Variants in RUNX1 observed in about 807,000 individuals in gnomAD.
RUNX1 encodes RUNX family transcription factor 1.
A neutral mutation model predicts 42.8 loss-of-function variants in RUNX1; 19 were observed. The observed-to-expected ratio is 0.44, with a 90% CI of 0.31 to 0.65. The LOEUF (loss-of-function observed/expected upper bound fraction) is 0.65, where lower values mean the gene tolerates loss of function less well. Ranked by LOEUF, RUNX1 falls within the 30% of genes least tolerant of loss-of-function variation. RUNX1 has a pLI of 0.07. For synonymous variants in RUNX1, 271 were observed against 289.4 expected (o/e 0.94, Z 0.64); for missense variants, 528 against 672.0 (o/e 0.79, Z 2.37).
intron 5 of RUNX1, among the ~76,000 whole-genome samples, chr21:34,862,530 A>G (rs943302566): frequency 3.3e-5 from 5 of 152,222 alleles, no homozygotes; most frequent in Non-Finnish European, 7.3e-5. Flanking sequence ...ACTCCCCCTG[A>G]GGGCTCTAGG....
chr21:34,792,415 G>A lies in RUNX1; in HGVS notation c.1163C>T (p.Ser388Leu), dbSNP rs1569002296. The A allele has an allele frequency of 1.3e-6, 2 of 1,569,812 alleles. No homozygotes were observed. The highest frequency in any genetic ancestry group is 8.6e-7 in the Non-Finnish European group (1 of 1,157,620). Residue 388 changes from serine to leucine, a missense_variant, in exon 9 of 9, where the codon TCG becomes TTG. Physicochemically the swap from Ser to Leu is moderately radical, Grantham distance 145. This residue lies in a region of RUNX1 where 331 missense variants were observed against 382.5 expected (regional missense o/e 0.87). Coordinates refer to ENST00000675419, the MANE Select transcript of RUNX1 (RefSeq NM_001754.5). The surrounding 1 kb of genome is among the most constrained non-coding windows in gnomAD (Gnocchi z 6.9). The part of the protein sequence containing the change: ...HTYLPPPYPG[S>L]SQAQGGPFQA... ...GAACGGGCCTCCCTGCGCTTGCGAC[G>A]AGCCGGGGTAGGGCGGCGGCAGGTA...
At position 34,821,188 on chromosome 21, in the gene RUNX1, C is replaced by A. The variant is rs1383282701; in HGVS notation, c.805+13222G>T. 2.9e-6 allele frequency: 3 copies of A among 1,017,320 alleles called. No homozygotes were observed. In the African/African-American group the frequency reaches 5.1e-5, roughly 17 times the overall value. 63.0% of individuals were successfully genotyped at this position (1,017,320 alleles called of 1,614,324 possible). On this transcript the variant is annotated intron_variant, in intron 7 of 8. Coordinates refer to ENST00000675419, the MANE Select transcript of RUNX1 (RefSeq NM_001754.5). ...TAAGGAGACACCGGGGGAATTATCG[C>A]AGAGTAGCTGTGTGACTTGGAGAGG...
At chr21:34,883,936 A>T (rs1193267803) in intron 4 of RUNX1, among the ~76,000 whole-genome samples, 1 of 152,220 alleles carries the variant, frequency 6.6e-6, no homozygotes, top group Non-Finnish European at 1.5e-5. Context: ...TGCCGACAAA[A>T]ATATTACTTA....
chr21:34,821,656 C>A (rs1408257913), intron 7 of RUNX1: 1 of 1,570,062 alleles, frequency 6.4e-7, no homozygotes, highest in South Asian at 1.2e-5. Context: ...GACAGAAGAA[C>A]TGACTTCTGC....
At chr21:34,834,023 GT>G in intron 7 of RUNX1, 1 of 392,020 alleles carries the variant, frequency 2.6e-6, no homozygotes. Flanking sequence ...CTTGACGTGT[GT>G]GTGTGTGTGT....
chr21:34,921,345 T>A (rs189916518), intron 2 of RUNX1, among the ~76,000 whole-genome samples: 420 of 152,296 alleles, frequency 2.8e-3, no homozygotes, highest in Non-Finnish European at 4.2e-3. Context: ...TCTTTCTGTC[T>A]CTATCATGTG....
At chr21:35,037,992 G>A (rs1285560908) in intron 2 of RUNX1, among the ~76,000 whole-genome samples, 2 of 151,278 alleles carry the variant, frequency 1.3e-5, no homozygotes, top group Non-Finnish European at 2.9e-5. Flanking sequence ...TCTTGAGGTT[G>A]GCGGAGATGG....
At chr21:35,014,327 A>C (rs2059144917) in intron 2 of RUNX1, among the ~76,000 whole-genome samples, 1 of 152,214 alleles carries the variant, frequency 6.6e-6, no homozygotes, top group South Asian at 2.1e-4. Context: ...CAACTGAATT[A>C]AACAATGAAA....
chr21:34,792,465 C>T lies in RUNX1; in HGVS notation c.1113G>A (p.Met371Ile), dbSNP rs1348452375. The change falls in exon 9 of 9, where the codon ATG (methionine) becomes ATA (isoleucine). Residue 371 changes from methionine to isoleucine, a missense_variant. This residue lies in a region of RUNX1 where 331 missense variants were observed against 382.5 expected (regional missense o/e 0.87). Transcript: ENST00000675419. This position sits in a 1 kb window ranked among gnomAD's most constrained non-coding sequence, Gnocchi z 6.9. ...TSGIGIGMSAMGSATRYHTYL... is the reference protein window; with the variant it reads ...TSGIGIGMSAIGSATRYHTYL... ...AGGTGTGGTAGCGCGTGGCCGAGCC[C>T]ATGGCCGACATGCCGATGCCGATGC... is the stretch of plus-strand genomic sequence containing the variant. 1 of 1,583,372 alleles carries T rather than the reference C, an allele frequency of 6.3e-7. No individual in the cohort carries two copies. Among genetic ancestry groups the T allele is most frequent in the Admixed American group, 1.8e-5 (1 of 55,080 alleles).
chr21:34,951,973 A>G (rs1177143153), intron 2 of RUNX1, among the ~76,000 whole-genome samples: 1 of 152,216 alleles, frequency 6.6e-6, no homozygotes, highest in Admixed American at 6.5e-5. Context: ...ACTTGGAACC[A>G]ACCCAAATGT....
At chr21:34,840,859 G>A (rs1394666129) in intron 6 of RUNX1, among the ~76,000 whole-genome samples, 1 of 152,140 alleles carries the variant, frequency 6.6e-6, no homozygotes, top group Non-Finnish European at 1.5e-5. Flanking sequence ...GTATTCAAAG[G>A]TGCCCTCCTC....
intron 2 of RUNX1, among the ~76,000 whole-genome samples, chr21:34,929,348 T>A (rs529800817): frequency 6.6e-6 from 1 of 152,316 alleles, no homozygotes; most frequent in East Asian, 1.9e-4. Flanking sequence ...ATAGCATGGC[T>A]TTGATAATTT....
intron 3 of RUNX1, chr21:34,887,389 A>G: frequency 7.1e-7 from 1 of 1,405,150 alleles, no homozygotes; most frequent in Non-Finnish European, 9.2e-7. Context: ...AGTGGAGACT[A>G]TCTTCCACGA....
At chr21:35,041,217 C>A (rs1028891367) in intron 2 of RUNX1, among the ~76,000 whole-genome samples, 14 of 152,228 alleles carry the variant, frequency 9.2e-5, no homozygotes, top group African/African-American at 3.1e-4. Flanking sequence ...AAAGTAGAAT[C>A]TTTGCAAAAT....
intron 2 of RUNX1, among the ~76,000 whole-genome samples, chr21:34,894,500 G>A (rs1468217031): frequency 2.6e-5 from 4 of 152,098 alleles, no homozygotes; most frequent in Non-Finnish European, 5.9e-5. Flanking sequence ...AGGGGGAAGG[G>A]GTAGGGGGTG....
At position 34,789,206 on chromosome 21, in the gene RUNX1, C is replaced by T. The variant is rs115681505; in HGVS notation, c.*2929G>A. 4.2e-3 allele frequency: 973 copies of T among 233,290 alleles called. 5 individuals carry two copies. Among genetic ancestry groups the T allele is most frequent in the African/African-American group, 0.02 (908 of 45,392 alleles). The allele number at this position is 233,290 out of a possible 1,614,324, so 14.5% of individuals were successfully genotyped here. ...TTATGTGAAGGGGGAAGAACTGGAC[C>T]TTCTTGTGTTCTGAAATTTGGTACT... On this transcript the variant is annotated 3_prime_UTR_variant, in exon 9 of 9. Transcript: ENST00000675419.
In RUNX1 at chr21:34,919,474, A is replaced by T. The variant is rs576232160; in HGVS notation, c.59-26511T>A. 2.0e-5 allele frequency among the ~76,000 whole-genome samples: 3 copies of T among 152,112 alleles called. No homozygotes were observed. The East Asian group carries it at 5.8e-4, about 29-fold the overall frequency. ...TACTACATAACTATATCGATTTTGC[A>T]TGGAAGCTCCTGCTCTCTGTGGGTT... is the stretch of plus-strand genomic sequence containing the variant. On this transcript the variant is annotated intron_variant, in intron 2 of 8. Transcript: ENST00000675419.
At chr21:35,011,384 C>T (rs540885657) in intron 2 of RUNX1, among the ~76,000 whole-genome samples, 7 of 152,130 alleles carry the variant, frequency 4.6e-5, no homozygotes, top group Non-Finnish European at 8.8e-5. Flanking sequence ...ACAGCCACTA[C>T]TAATTCATAA....
intron 2 of RUNX1, among the ~76,000 whole-genome samples, chr21:34,931,986 T>C (rs539525016): frequency 1.3e-5 from 2 of 152,178 alleles, no homozygotes; most frequent in Admixed American, 6.5e-5. Context: ...CTTGGCCATA[T>C]GTAAGATGGA....
Sources: gnomAD v4.1 joint callset for allele counts (sites outside exome capture counted in the v4.1 genomes callset) on GRCh38, gnomAD v4.1.1 for gene constraint, gnomAD v4.1.1 regional missense constraint, Gnocchi (gnomAD v3.1) non-coding constraint, MANE v1.5 for transcripts, NCBI Gene and HGNC (gene_info 2026-07-23, HGNC 2026-07-21) for gene names.